SCNM1: variants seen among roughly 807,000 people sequenced by gnomAD.
The protein encoded by SCNM1 is sodium channel modifier 1.
A neutral mutation model predicts 32.8 loss-of-function variants in SCNM1; 24 were observed. That is an observed-to-expected ratio of 0.73 (90% CI 0.53 to 1.03). The LOEUF (loss-of-function observed/expected upper bound fraction) is 1.03, where lower values mean the gene tolerates loss of function less well. Among genes scored for constraint, SCNM1 ranks in the 50% least tolerant of loss-of-function variants. The pLI, the probability that SCNM1 is intolerant of heterozygous loss-of-function variation, is 0.00. For missense variants in SCNM1, 274 were observed against 282.3 expected, an observed-to-expected ratio of 0.97 and a Z score of 0.21; for synonymous variants, 99 against 103.2, an observed-to-expected ratio of 0.96 and a Z score of 0.25.
At chr1:151,167,074 A>T in intron 3 of SCNM1, 47 bp from the exon 4 acceptor site, 1 of 1,614,118 alleles carries the variant, frequency 6.2e-7, no homozygotes, top group South Asian at 1.1e-5. Context: ...ATCTCTGCAC[A>T]CCACTCTTGG....
chr1:151,168,959 C>T (rs991637705), intron 6 of SCNM1, 27 bp from the exon 7 acceptor site: 3 of 1,613,134 alleles, frequency 1.9e-6, no homozygotes, highest in African/African-American at 1.3e-5. Context: ...CTTTCCTGAT[C>T]GATGCTATTT....
chr1:151,166,671 T>A (rs1311870662), intron 2 of SCNM1, 130 bp downstream of exon 2: 2 of 1,417,662 alleles, frequency 1.4e-6, no homozygotes, highest in East Asian at 5.0e-5. Context: ...AGGGCTCAAG[T>A]GATCCTGCCT....
chr1:151,167,133 T>A lies in SCNM1; in HGVS notation c.224T>A (p.Phe75Tyr). The part of the protein sequence containing the change: ...GKKHLSSLQL[F>Y]YGKKQPGKER... ...CCTTTCTCCTCAGGCTTGCAGCTTT[T>A]CTATGGCAAGAAGCAGCCGGGAAAG... Residue 75 changes from phenylalanine to tyrosine, a missense_variant, in exon 4 of 7, where the codon TTC becomes TAC. By Grantham distance (22) the Phe-to-Tyr change is conservative. Transcript: ENST00000368905. 6.2e-7 allele frequency: 1 copy of A among 1,614,150 alleles called. No individual in the cohort carries two copies. Among genetic ancestry groups the A allele is most frequent in the Non-Finnish European group, 8.5e-7 (1 of 1,180,032 alleles).
In SCNM1 at chr1:151,166,636, G is replaced by C; in HGVS notation, c.122+95G>C. 2.6e-6 allele frequency: 4 copies of C among 1,513,472 alleles called. No individual in the cohort carries two copies. The South Asian group carries it at 4.9e-5, about 19-fold the overall frequency. The allele number at this position is 1,513,472 out of a possible 1,614,324, so 93.8% of individuals were successfully genotyped here. On this transcript the variant is annotated intron_variant, in intron 2 of 6. Transcript: ENST00000368905. ...TCCTTTGAGACGGAGGTCTCGCGGTGCTGCCCAGGCTGCCCTCGAACTCTA... is the reference window on the plus strand; with the variant it reads ...TCCTTTGAGACGGAGGTCTCGCGGTCCTGCCCAGGCTGCCCTCGAACTCTA...
chr1:151,167,072 A>G (rs765625375), intron 3 of SCNM1, 49 bp from the exon 4 acceptor site: 1 of 1,614,146 alleles, frequency 6.2e-7, no homozygotes. Flanking sequence ...AAATCTCTGC[A>G]CACCACTCTT....
At position 151,166,957 on chromosome 1, in the gene SCNM1, A is replaced by G. The variant is rs1189344619; in HGVS notation, c.146A>G (p.His49Arg). 8 of 1,613,858 alleles carry G rather than the reference A, an allele frequency of 5.0e-6. No individual in the cohort carries two copies. The highest frequency in any genetic ancestry group is 1.6e-4 in the Middle Eastern group (1 of 6,084). The change falls in exon 3 of 7, where the codon CAT becomes CGT. Residue 49 changes from histidine (H) to arginine (R), a missense_variant. By Grantham distance (29) the His-to-Arg change is conservative (BLOSUM62 0). Transcript: ENST00000368905. ...AGCTTTGCTTGTGCCATCTGCCCCC[A>G]TCGACCGGTACTGGACACCCTGGCC... ...DGRFACAICP[H>R]RPVLDTLAML...
Position 151,168,173 on chromosome 1 carries a change from T to C in SCNM1, c.428T>C (p.Leu143Pro). The C allele has an allele frequency of 6.2e-7, 1 of 1,613,998 alleles. No individual in the cohort carries two copies. The highest frequency in any genetic ancestry group is 8.5e-7 in the Non-Finnish European group (1 of 1,179,950). Residue 143 changes from leucine to proline, a missense_variant, in exon 6 of 7, where the codon CTT becomes CCT. Physicochemically the swap from Leu to Pro is moderately conservative, Grantham distance 98. Coordinates refer to ENST00000368905, the MANE Select transcript of SCNM1 (RefSeq NM_024041.4). Reference protein sequence around the residue: ...RPEAPGPSVSLSPMPPSEVKL... With the variant: ...RPEAPGPSVSPSPMPPSEVKL... The stretch of plus-strand genomic sequence containing the variant: ...GAAGCCCCTGGTCCCTCTGTCTCCC[T>C]TTCCCCTATGCCACCCTCAGAGGTC...
chr1:151,167,430 G>C lies in SCNM1; in HGVS notation c.398+16G>C, dbSNP rs374399285. The C allele has an allele frequency of 6.2e-6, 10 of 1,614,058 alleles. No homozygotes were observed. Among genetic ancestry groups the C allele is most frequent in the Admixed American group, 1.7e-5 (1 of 60,004 alleles). On this transcript the variant is annotated intron_variant, in intron 5 of 6. Transcript: ENST00000368905. ...GGAAGTACAGGTATGGGACGGGAAA[G>C]CCAGAGGTAGGAAGGCTCAGAAGGA...
intron 2 of SCNM1, 144 bp downstream of exon 2, chr1:151,166,685 C>T: frequency 1.4e-6 from 2 of 1,381,278 alleles, no homozygotes; most frequent in Non-Finnish European, 1.9e-6. Flanking sequence ...CCTGCCTCCT[C>T]AGCGTCGCGA....
rs983333489 is a variant in SCNM1 at position 151,167,152 on chromosome 1, G to A, written c.243G>A (p.Pro81=). Reference sequence around the variant, plus strand: ...AGCTTTTCTATGGCAAGAAGCAGCCGGGAAAGGAAAGAAAGCAGAATCCAA... The same window carrying A: ...AGCTTTTCTATGGCAAGAAGCAGCCAGGAAAGGAAAGAAAGCAGAATCCAA... ...SLQLFYGKKQ[P]GKERKQNPKH... is the part of the protein sequence containing the mutation. The change falls in exon 4 of 7, where the codon CCG becomes CCA. Residue 81 remains proline (P), a synonymous_variant. Transcript: ENST00000368905. 7 of 1,614,024 alleles carry A rather than the reference G, an allele frequency of 4.3e-6. No homozygotes were observed. In the Admixed American group the frequency reaches 8.3e-5, roughly 19 times the overall value.
In SCNM1 at chr1:151,169,014, C is replaced by G. The variant is rs149603293; in HGVS notation, c.622C>G (p.Arg208Gly). The stretch of plus-strand genomic sequence containing the variant: ...TGGATGGATCCCAGATGGACGAGGT[C>G]GATGGGTAAAAGATGAAAATGTTGA... ...SSGWIPDGRG[R>G]WVKDENVEFD... is the part of the protein sequence containing the mutation. Residue 208 changes from arginine to glycine, a missense_variant, in exon 7 of 7, where the codon CGA becomes GGA. Coordinates refer to ENST00000368905, the MANE Select transcript of SCNM1 (RefSeq NM_024041.4). 4 of 1,613,692 alleles carry G rather than the reference C, an allele frequency of 2.5e-6. No homozygotes were observed. The African/African-American group carries it at 5.3e-5, about 22-fold the overall frequency.
At position 151,168,239 on chromosome 1, in the gene SCNM1, C is replaced by T. The variant is rs778971346; in HGVS notation, c.494C>T (p.Ala165Val). 6.3e-5 allele frequency: 102 copies of T among 1,614,020 alleles called. No individual in the cohort carries two copies. In the Middle Eastern group the frequency reaches 9.9e-4, roughly 16 times the overall value. The change falls in exon 6 of 7, where the codon GCG becomes GTG. Residue 165 changes from alanine to valine, a missense_variant. Transcript: ENST00000368905. ...SGKISREPEP[A>V]AGPQAEESAT... ...AAGATCAGTAGGGAACCTGAACCTGCGGCTGGCCCACAGGCCGAGGAGTCA... is the reference window on the plus strand; with the variant it reads ...AAGATCAGTAGGGAACCTGAACCTGTGGCTGGCCCACAGGCCGAGGAGTCA...
chr1:151,169,239 CCT>C lies in SCNM1; in HGVS notation c.*155_*156del. 3.7e-6 allele frequency: 2 copies of C among 542,640 alleles called. No individual in the cohort carries two copies. Among genetic ancestry groups the C allele is most frequent in the South Asian group, 3.2e-5 (1 of 31,004 alleles). The allele number at this position is 542,640 out of a possible 1,614,324, so 33.6% of individuals were successfully genotyped here. ...TGCAAGGTACACAGCTCTCCACACT[CCT>C]TTTTTTTTTTTTTTTTTTTTTGAGG... On this transcript the variant is annotated 3_prime_UTR_variant, in exon 7 of 7. Coordinates refer to ENST00000368905, the MANE Select transcript of SCNM1 (RefSeq NM_024041.4).
At chr1:151,166,356 C>A in intron 1 of SCNM1, 115 bp from the exon 2 acceptor site, 1 of 1,544,774 alleles carries the variant, frequency 6.5e-7, no homozygotes, top group Non-Finnish European at 8.7e-7. Flanking sequence ...GGTCTATGAT[C>A]GCTGTTCTCC....
At chr1:151,168,109 C>G in intron 5 of SCNM1, 35 bp from the exon 6 acceptor site, 1 of 1,555,872 alleles carries the variant, frequency 6.4e-7, no homozygotes, top group Non-Finnish European at 8.7e-7. Context: ...GGCCCTTTCC[C>G]TTACTGCTTT....
At position 151,170,089 on chromosome 1, in the gene SCNM1, TC is replaced by T. The variant is rs1195587504; in HGVS notation, c.*1005del. On this transcript the variant is annotated 3_prime_UTR_variant, in exon 7 of 7. Coordinates refer to ENST00000368905, the MANE Select transcript of SCNM1 (RefSeq NM_024041.4). The stretch of plus-strand genomic sequence containing the variant: ...TAAAGGGAAATGCAGTGTTATCTCT[TC>T]TTTTGCTGGCGACCTGTAAAGGAGC... The T allele has an allele frequency of 1.2e-6, 2 of 1,614,072 alleles. No homozygotes were observed. The highest frequency in any genetic ancestry group is 1.3e-5 in the African/African-American group (1 of 74,922).
chr1:151,167,298 C>T (rs1337350451), intron 4 of SCNM1, 28 bp from the exon 5 acceptor site: 2 of 1,614,088 alleles, frequency 1.2e-6, no homozygotes, highest in Non-Finnish European at 1.7e-6. Context: ...GCTGAAGGCT[C>T]TGACTCTGTC....
chr1:151,167,378 C>T lies in SCNM1; in HGVS notation c.362C>T (p.Ala121Val). ...ATCACCCAGAGTGCTCTGCACAGAGCTCCCCACTATAACAGTTGCTGCCGC... is the reference window on the plus strand; with the variant it reads ...ATCACCCAGAGTGCTCTGCACAGAGTTCCCCACTATAACAGTTGCTGCCGC... ...RLITQSALHR[A>V]PHYNSCCRRK... is the part of the protein sequence containing the mutation. Residue 121 changes from alanine to valine, a missense_variant, in exon 5 of 7, where the codon GCT becomes GTT. By Grantham distance (64) the Ala-to-Val change is moderately conservative. Transcript: ENST00000368905. The T allele has an allele frequency of 6.2e-7, 1 of 1,614,148 alleles. No homozygotes were observed. Among genetic ancestry groups the T allele is most frequent in the Non-Finnish European group, 8.5e-7 (1 of 1,180,032 alleles).
Position 151,167,391 on chromosome 1 carries a change from C to T in SCNM1, c.375C>T (p.Asn125=). ...QSALHRAPHY[N]SCCRRKYRPE... ...CTCTGCACAGAGCTCCCCACTATAA[C>T]AGTTGCTGCCGCCGGAAGTACAGGT... The change falls in exon 5 of 7, where the codon AAC becomes AAT. Residue 125 remains asparagine, a synonymous_variant. Coordinates refer to ENST00000368905, the MANE Select transcript of SCNM1 (RefSeq NM_024041.4). 1 of 1,614,182 alleles carries T rather than the reference C, an allele frequency of 6.2e-7. No homozygotes were observed. Among genetic ancestry groups the T allele is most frequent in the Non-Finnish European group, 8.5e-7 (1 of 1,180,040 alleles).
Sources: gnomAD v4.1 joint callset for allele counts on GRCh38, gnomAD v4.1.1 for gene constraint, MANE v1.5 for transcripts, NCBI Gene and HGNC (gene_info 2026-07-23, HGNC 2026-07-21) for gene names.